The following CSNK1G3 variants were observed in gnomAD, a reference collection of about 807,000 sequenced individuals.
CSNK1G3 encodes casein kinase 1 gamma 3, also known as casein kinase I isoform gamma-3.
CSNK1G3 carries 23 observed loss-of-function variants against 64.3 expected under a neutral mutation model. The observed-to-expected ratio is 0.36, with a 90% confidence interval of 0.26 to 0.51. The LOEUF is 0.51. CSNK1G3 is among the 20% of genes least tolerant of loss of function. CSNK1G3 has a pLI of 0.96. For missense variants in CSNK1G3, 357 were observed against 510.5 expected, an observed-to-expected ratio of 0.70 and a Z score of 2.90; for synonymous variants, 158 against 162.2, an observed-to-expected ratio of 0.97 and a Z score of 0.20.
exon 13 of CSNK1G3, chr5:123,614,497 A>T (rs1373777970): frequency 1.1e-6 from 1 of 910,914 alleles, no homozygotes. Flanking sequence ...TCAAGGACTC[A>T]CTCTTAGAAA....
At chr5:123,596,162 T>C (rs549066118) in intron 10 of CSNK1G3, among the ~76,000 whole-genome samples, 1 of 152,230 alleles carries the variant, frequency 6.6e-6, no homozygotes, top group Non-Finnish European at 1.5e-5. Flanking sequence ...CATTAAATTT[T>C]AGAGGTAATT....
At chr5:123,561,629 C>T (rs550981641) in intron 4 of CSNK1G3, among the ~76,000 whole-genome samples, 2 of 152,228 alleles carry the variant, frequency 1.3e-5, no homozygotes, top group Admixed American at 1.3e-4. Flanking sequence ...AATGAAATTA[C>T]TATTTGTGTA....
intron 1 of CSNK1G3, among the ~76,000 whole-genome samples, chr5:123,542,921 G>A (rs1319754470): frequency 6.1e-5 from 8 of 130,336 alleles, no homozygotes; most frequent in African/African-American, 2.0e-4. Flanking sequence ...GCTATTATTC[G>A]TTTTTTTTTT....
At chr5:123,517,080 G>A (rs1029635704) in intron 1 of CSNK1G3, among the ~76,000 whole-genome samples, 3 of 152,256 alleles carry the variant, frequency 2.0e-5, no homozygotes, top group Admixed American at 2.0e-4. Context: ...CATTTCAGAA[G>A]TTGCCGATAA....
At chr5:123,608,048 GC>G (rs1266729004) in intron 12 of CSNK1G3, among the ~76,000 whole-genome samples, 7 of 151,890 alleles carry the variant, frequency 4.6e-5, no homozygotes, top group South Asian at 2.1e-4. Flanking sequence ...TCCTGCCCCA[GC>G]CCCCCCAGTA....
At chr5:123,572,277 A>C (rs918026742) in intron 4 of CSNK1G3, among the ~76,000 whole-genome samples, 1 of 152,060 alleles carries the variant, frequency 6.6e-6, no homozygotes, top group Admixed American at 6.5e-5. Flanking sequence ...GATTCTGACA[A>C]CTTCCATATA....
At chr5:123,581,218 GT>G (rs1335802087) in intron 6 of CSNK1G3, among the ~76,000 whole-genome samples, 5 of 151,032 alleles carry the variant, frequency 3.3e-5, no homozygotes, top group Admixed American at 6.6e-5. Context: ...TCAGGGTATA[GT>G]TTTTTTTATA....
chr5:123,588,535 A>T lies in CSNK1G3; in HGVS notation c.844+24A>T, dbSNP rs775024302. The T allele has an allele frequency of 3.7e-6, 5 of 1,369,640 alleles. No homozygotes were observed. The East Asian group carries it at 9.2e-5, about 25-fold the overall frequency. 84.8% of individuals were successfully genotyped at this position (1,369,640 alleles called of 1,614,324 possible). ...AGGTAATGAATAATGTGAGGTTGAT[A>T]CATTATATACAGAAAACTAGAAATG... On this transcript the variant is annotated intron_variant, in intron 8 of 12. Transcript: ENST00000345990.
At chr5:123,576,048 T>C in intron 6 of CSNK1G3, 85 bp downstream of exon 6, 1 of 793,354 alleles carries the variant, frequency 1.3e-6, no homozygotes. Flanking sequence ...GGTTCAGTTT[T>C]TGCAGATTAT....
intron 1 of CSNK1G3, among the ~76,000 whole-genome samples, chr5:123,517,740 G>A (rs1385795097): frequency 6.6e-6 from 1 of 152,110 alleles, no homozygotes; most frequent in African/African-American, 2.4e-5. Context: ...AGATTGTCTT[G>A]TGAATGGACA....
intron 12 of CSNK1G3, among the ~76,000 whole-genome samples, chr5:123,606,375 A>T (rs751475394): frequency 2.0e-5 from 3 of 152,140 alleles, no homozygotes; most frequent in African/African-American, 4.8e-5. Context: ...TTTTAGGTAC[A>T]ATCCTAAGAC....
rs1012894410 is a variant in CSNK1G3, at chr5:123,576,086, T to A, written c.673+123T>A. 5.2e-5 allele frequency: 31 copies of A among 596,666 alleles called. 1 individual carries two copies. The South Asian group carries it at 7.2e-4, about 14-fold the overall frequency. 37.0% of individuals were successfully genotyped at this position (596,666 alleles called of 1,614,324 possible). On this transcript the variant is annotated intron_variant, in intron 6 of 12. Transcript: ENST00000345990. Reference sequence around the variant, plus strand: ...TAGCTTTTATTATAATTTTCATTTATCACATCTACCTAGAGTTTACTTTCA... The same window carrying A: ...TAGCTTTTATTATAATTTTCATTTAACACATCTACCTAGAGTTTACTTTCA...
chr5:123,574,380 G>A (rs1055072454), intron 5 of CSNK1G3, among the ~76,000 whole-genome samples: 4 of 152,088 alleles, frequency 2.6e-5, no homozygotes, highest in African/African-American at 9.7e-5. Flanking sequence ...TCCTATGGAT[G>A]TTTTCATAGG....
At position 123,574,540 on chromosome 5, in the gene CSNK1G3, C is replaced by T. The variant is rs577859461; in HGVS notation, c.438+999C>T. On this transcript the variant is annotated intron_variant, in intron 5 of 12. Transcript: ENST00000345990. ...TGCATATTAAAGATTGTTTTATAGG[C>T]TAGGTGTGGTGGCTTGTGCCTGTAA... 3.9e-5 allele frequency among the ~76,000 whole-genome samples: 6 copies of T among 152,156 alleles called. No homozygotes were observed. In the East Asian group the frequency reaches 1.2e-3, roughly 29 times the overall value.
chr5:123,580,185 T>C (rs1020964713), intron 6 of CSNK1G3, among the ~76,000 whole-genome samples: 1 of 151,928 alleles, frequency 6.6e-6, no homozygotes, highest in Non-Finnish European at 1.5e-5. Context: ...TGATTACTTT[T>C]AAAGCCTTAT....
chr5:123,579,658 G>A (rs1789875805), intron 6 of CSNK1G3, among the ~76,000 whole-genome samples: 1 of 151,952 alleles, frequency 6.6e-6, no homozygotes. Context: ...TCTATTTGTA[G>A]AAATGGCGAA....
chr5:123,582,637 C>G (rs1166660050), intron 6 of CSNK1G3, among the ~76,000 whole-genome samples: 1 of 152,058 alleles, frequency 6.6e-6, no homozygotes, highest in Non-Finnish European at 1.5e-5. Context: ...TCCTTAGGTG[C>G]TCATAGCAAG....
intron 4 of CSNK1G3, among the ~76,000 whole-genome samples, chr5:123,568,071 A>G (rs1043730688): frequency 1.3e-5 from 2 of 152,216 alleles, no homozygotes; most frequent in African/African-American, 4.8e-5. Flanking sequence ...GCAAAACTTC[A>G]TAGCCCAATT....
At chr5:123,529,213 T>G (rs1779536070) in intron 1 of CSNK1G3, among the ~76,000 whole-genome samples, 1 of 152,164 alleles carries the variant, frequency 6.6e-6, no homozygotes, top group African/African-American at 2.4e-5. Flanking sequence ...TTAAATAAGG[T>G]GTCTTGAAAG....
Sources: allele counts gnomAD v4.1 joint callset (sites outside exome capture counted in the v4.1 genomes callset), GRCh38; gene constraint gnomAD v4.1.1; transcripts MANE v1.5; gene names NCBI Gene and HGNC (gene_info 2026-07-23, HGNC 2026-07-21).